GPHN: variants seen among roughly 807,000 people sequenced by gnomAD.
GPHN encodes the protein gephyrin.
GPHN carries 17 observed loss-of-function variants against 95.5 expected under a neutral mutation model. That is an observed-to-expected ratio of 0.18 (90% CI 0.12 to 0.27). The LOEUF is 0.27. Among genes scored for constraint, GPHN ranks in the 10% least tolerant of loss-of-function variants. The pLI, the probability that GPHN is intolerant of heterozygous loss-of-function variation, is 1.00. For synonymous variants in GPHN, 320 were observed against 322.5 expected, an observed-to-expected ratio of 0.99 and a Z score of 0.08; for missense variants, 660 against 978.1, an observed-to-expected ratio of 0.67 and a Z score of 4.34.
At chr14:66,685,685 C>T (rs1433879426) in intron 2 of GPHN, among the ~76,000 whole-genome samples, 3 of 152,038 alleles carry the variant, frequency 2.0e-5, no homozygotes. Context: ...AATTTTCTCC[C>T]ATTCTGTAGG....
chr14:67,234,108 C>T, the GPHN span, among the ~76,000 whole-genome samples: 2 of 152,198 alleles, frequency 1.3e-5, no homozygotes, highest in East Asian at 1.9e-4. Flanking sequence ...TTCACAAGCA[C>T]TGTAGGAGGT....
chr14:67,563,016 A>G, the GPHN span: 1 of 1,004,146 alleles, frequency 1.0e-6, no homozygotes, highest in Non-Finnish European at 1.4e-6. Context: ...TGGCCCTGGC[A>G]GGCAGGTACC....
chr14:67,069,046 G>C (rs1480217120), intron 11 of GPHN, among the ~76,000 whole-genome samples: 1 of 152,122 alleles, frequency 6.6e-6, no homozygotes. Flanking sequence ...AAGTAGCTTT[G>C]TCAAGACACT....
the GPHN span, among the ~76,000 whole-genome samples, chr14:67,576,234 A>G: frequency 6.6e-6 from 1 of 152,242 alleles, no homozygotes; most frequent in Non-Finnish European, 1.5e-5. This position sits in a 1 kb window ranked among gnomAD's most constrained non-coding sequence, Gnocchi z 4.0. Flanking sequence ...AGTTGGGTTC[A>G]TGTTCACCTG....
chr14:66,541,037 T>A (rs2059336092), intron 1 of GPHN, among the ~76,000 whole-genome samples: 1 of 152,106 alleles, frequency 6.6e-6, no homozygotes, highest in Non-Finnish European at 1.5e-5. Context: ...AACCTCTGCC[T>A]CCCGGGTTCA....
chr14:66,680,805 G>A (rs1343213052), intron 1 of GPHN, among the ~76,000 whole-genome samples: 1 of 151,928 alleles, frequency 6.6e-6, no homozygotes, highest in East Asian at 1.9e-4. Context: ...CTGTGTACTA[G>A]TAAATTAATC....
chr14:67,594,984 A>G, the GPHN span, among the ~76,000 whole-genome samples: 25 of 151,752 alleles, frequency 1.6e-4, no homozygotes, highest in South Asian at 2.1e-4. Context: ...AAAAATACTA[A>G]AAGTTAGCCG....
chr14:67,600,381 C>T, the GPHN span: 7 of 553,998 alleles, frequency 1.3e-5, no homozygotes, highest in South Asian at 9.7e-5. Flanking sequence ...TGCGTTCTTC[C>T]GGGCCGGCCT....
chr14:66,631,665 G>A (rs1036911262), intron 1 of GPHN, among the ~76,000 whole-genome samples: 4 of 152,110 alleles, frequency 2.6e-5, no homozygotes, highest in Non-Finnish European at 5.9e-5. Flanking sequence ...ACAACAACTA[G>A]ACTAGGTCTG....
chr14:66,940,705 C>T (rs1194826996), intron 8 of GPHN, among the ~76,000 whole-genome samples: 4 of 152,142 alleles, frequency 2.6e-5, no homozygotes, highest in South Asian at 2.1e-4. Context: ...CTTCCATTAC[C>T]GTCTGCCTCT....
chr14:67,198,884 G>A, the GPHN span: 1 of 681,828 alleles, frequency 1.5e-6, no homozygotes. Flanking sequence ...CAATGATAGG[G>A]GTCATACCTC....
At chr14:67,618,531 A>C in the GPHN span, among the ~76,000 whole-genome samples, 5 of 150,280 alleles carry the variant, frequency 3.3e-5, no homozygotes, top group African/African-American at 1.2e-4. Context: ...ATGCCACCAC[A>C]TCCAGCTATT....
the GPHN span, among the ~76,000 whole-genome samples, chr14:67,608,781 G>A: frequency 3.9e-5 from 6 of 152,216 alleles, no homozygotes; most frequent in Non-Finnish European, 7.3e-5. Flanking sequence ...ACATATTCTT[G>A]TTGTGTCCTC....
chr14:66,997,136 TG>T (rs1275837330), intron 9 of GPHN, among the ~76,000 whole-genome samples: 1 of 151,924 alleles, frequency 6.6e-6, no homozygotes, highest in Non-Finnish European at 1.5e-5. Context: ...GAGGCCGAGA[TG>T]GGTGGATCAC....
intron 1 of GPHN, among the ~76,000 whole-genome samples, chr14:66,535,084 A>G (rs182794178): frequency 5.7e-4 from 87 of 152,230 alleles, no homozygotes; most frequent in African/African-American, 2.1e-3. Flanking sequence ...TATTCTCCAA[A>G]GTTTTCTTTT....
chr14:67,285,590 C>G, the GPHN span, among the ~76,000 whole-genome samples: 2 of 143,772 alleles, frequency 1.4e-5, no homozygotes, highest in African/African-American at 5.6e-5. Flanking sequence ...AGGATGGTCT[C>G]GATCTCTGAT....
intron 1 of GPHN, among the ~76,000 whole-genome samples, chr14:66,668,272 C>G (rs1385254666): frequency 1.3e-5 from 2 of 152,142 alleles, no homozygotes; most frequent in African/African-American, 4.8e-5. Flanking sequence ...CCCAGCAATC[C>G]CATTACTGGG....
At chr14:66,866,183 C>T (rs2063214793) in intron 4 of GPHN, among the ~76,000 whole-genome samples, 1 of 152,102 alleles carries the variant, frequency 6.6e-6, no homozygotes, top group Non-Finnish European at 1.5e-5. Flanking sequence ...TAACTATAGT[C>T]ACCATATTAT....
the GPHN span, chr14:67,302,229 A>G: frequency 7.9e-7 from 1 of 1,259,286 alleles, no homozygotes; most frequent in Non-Finnish European, 1.1e-6. Context: ...TGAAGCAGAA[A>G]GTGTGGGGGA....
Sources: gnomAD v4.1 joint callset for allele counts (sites outside exome capture counted in the v4.1 genomes callset) on GRCh38, gnomAD v4.1.1 for gene constraint, Gnocchi (gnomAD v3.1) non-coding constraint, MANE v1.5 for transcripts, NCBI Gene and HGNC (gene_info 2026-07-23, HGNC 2026-07-21) for gene names.